The following SHLD2 variants were observed in gnomAD, a reference collection of about 807,000 sequenced individuals.
SHLD2 encodes shieldin complex subunit 2, also known as RINN1-REV7-interacting novel NHEJ regulator 2.
SHLD2 carries 30 observed loss-of-function variants against 73.2 expected under a neutral mutation model. That is an observed-to-expected ratio of 0.41 (90% CI 0.31 to 0.56). The LOEUF (loss-of-function observed/expected upper bound fraction) is 0.56. Among genes scored for constraint, SHLD2 ranks in the 20% least tolerant of loss-of-function variants. The pLI, the probability that SHLD2 is intolerant of heterozygous loss-of-function variation, is 0.28. For missense variants in SHLD2, 745 were observed against 1,055.9 expected, an observed-to-expected ratio of 0.71 and a Z score of 4.08; for synonymous variants, 285 against 370.1, an observed-to-expected ratio of 0.77 and a Z score of 2.64.
At position 87,121,790 on chromosome 10, in the gene SHLD2, AGTCTCGTCCTGATG is replaced by A. The variant is rs1439339248; in HGVS notation, c.-6+24803_-6+24816del. On this transcript the variant is annotated intron_variant, in intron 2 of 9. Transcript: ENST00000298786. Reference sequence around the variant, plus strand: ...TTTTTTTTTTTTTTTTAATTGAGATAGTCTCGTCCTGATGGCCAGACTGGAGTACAGTGGTGTGA... The same window carrying A: ...TTTTTTTTTTTTTTTTAATTGAGATAGCCAGACTGGAGTACAGTGGTGTGA... 7.8e-3 allele frequency among the ~76,000 whole-genome samples: 1,095 copies of A among 140,978 alleles called. 15 individuals carry two copies. The highest frequency in any genetic ancestry group is 0.028 in the African/African-American group (1,055 of 37,602). The allele number at this position is 140,978 out of a possible 152,430, so 92.5% of individuals were successfully genotyped here. A position where few individuals can be genotyped will look rare whatever the true frequency, so the allele number is the denominator to read the frequency against.
At position 87,174,677 on chromosome 10, in the gene SHLD2, A is replaced by G. The variant is rs187162713; in HGVS notation, c.1964-1212A>G. Among the ~76,000 whole-genome samples, 839 of 152,272 alleles carry G rather than the reference A, an allele frequency of 5.5e-3. 8 individuals carry two copies. The highest frequency in any genetic ancestry group is 0.019 in the African/African-American group (805 of 41,566). Reference sequence around the variant, plus strand: ...AACTAAAAAGACAGCTGATGTTATCAGAAAAATTAGTGCTAAGAAACCCTC... The same window carrying G: ...AACTAAAAAGACAGCTGATGTTATCGGAAAAATTAGTGCTAAGAAACCCTC... On this transcript the variant is annotated intron_variant, in intron 6 of 9. Coordinates refer to ENST00000298786, the MANE Select transcript of SHLD2 (RefSeq NM_001330112.2).
rs757565723 is a variant in SHLD2, at chr10:87,152,737, C to G, written c.1383C>G (p.Phe461Leu). The G allele has an allele frequency of 5.6e-6, 9 of 1,611,806 alleles. No individual in the cohort carries two copies. Among genetic ancestry groups the G allele is most frequent in the Non-Finnish European group, 7.6e-6 (9 of 1,179,832 alleles). ...PCHVKEINIK[F>L]GPNSGSKVPL... is the part of the protein sequence containing the mutation. ...ATGTGAAGGAAATAAACATAAAATTCGGACCAAATTCTGGCTCTAAAGTGC... is the reference window on the plus strand; with the variant it reads ...ATGTGAAGGAAATAAACATAAAATTGGGACCAAATTCTGGCTCTAAAGTGC... The change falls in exon 3 of 10, where the codon TTC (phenylalanine) becomes TTG (leucine). Residue 461 changes from phenylalanine (F) to leucine (L), a missense_variant. By Grantham distance (22) the Phe-to-Leu change is conservative. Coordinates refer to ENST00000298786, the MANE Select transcript of SHLD2 (RefSeq NM_001330112.2).
intron 2 of SHLD2, among the ~76,000 whole-genome samples, chr10:87,122,098 A>G (rs1843667831): frequency 6.7e-6 from 1 of 149,768 alleles, no homozygotes; most frequent in African/African-American, 2.5e-5. Context: ...TTGAGGTAAC[A>G]GAAATTGATG....
chr10:87,112,418 A>G (rs1365372483), intron 2 of SHLD2, among the ~76,000 whole-genome samples: 1 of 152,126 alleles, frequency 6.6e-6, no homozygotes, highest in Non-Finnish European at 1.5e-5. Flanking sequence ...TAATCCCAGC[A>G]CTTTGAGAGA....
chr10:87,150,773 A>G (rs1457271054), intron 2 of SHLD2, among the ~76,000 whole-genome samples: 1 of 151,852 alleles, frequency 6.6e-6, no homozygotes, highest in Non-Finnish European at 1.5e-5. Flanking sequence ...TGAAACAAAC[A>G]TACTAAAAAC....
intron 4 of SHLD2, among the ~76,000 whole-genome samples, chr10:87,163,961 C>CTTTTCTTTTCT (rs750116873): frequency 7.6e-5 from 9 of 117,906 alleles, no homozygotes; most frequent in African/African-American, 3.2e-5. Flanking sequence ...CTTTTCTTTT[C>CTTTTCTTTTCT]TTTTTTTTTT....
At chr10:87,138,115 T>A (rs1844924855) in intron 2 of SHLD2, among the ~76,000 whole-genome samples, 1 of 152,052 alleles carries the variant, frequency 6.6e-6, no homozygotes, top group Non-Finnish European at 1.5e-5. Flanking sequence ...CTGGCCAACA[T>A]GGTAAAACCG....
Position 87,170,594 on chromosome 10 carries a change from T to G in SHLD2, c.1750T>G (p.Phe584Val). 6.2e-7 allele frequency: 1 copy of G among 1,613,684 alleles called. No homozygotes were observed. The highest frequency in any genetic ancestry group is 1.7e-4 in the Middle Eastern group (1 of 6,054). ...GCCTCAGAGGGTGAACAGTATAGAC[T>G]TTGTAGAATTGGAGCACCTTCAACC... ...RQPQRVNSIDFVELEHLQPDV... is the reference protein window; with the variant it reads ...RQPQRVNSIDVVELEHLQPDV... The change falls in exon 5 of 10, where the codon TTT (phenylalanine) becomes GTT (valine). Residue 584 changes from phenylalanine to valine, a missense_variant. This residue lies in a region of SHLD2 where 418 missense variants were observed against 567.8 expected (regional missense o/e 0.74). Transcript: ENST00000298786.
chr10:87,100,685 T>G (rs911266512), intron 2 of SHLD2, among the ~76,000 whole-genome samples: 2 of 151,888 alleles, frequency 1.3e-5, no homozygotes, highest in African/African-American at 4.8e-5. Context: ...ATCATGTTAG[T>G]CAGGCTGATC....
chr10:87,095,425 C>G lies in SHLD2; in HGVS notation c.-62+177C>G, dbSNP rs1313291100. On this transcript the variant is annotated intron_variant, in intron 1 of 9. Coordinates refer to ENST00000298786, the MANE Select transcript of SHLD2 (RefSeq NM_001330112.2). ...GAGTCACGGGCGCCCCTCCTTTCCG[C>G]CCGCGCGCCCTCGGAACGGGCGGCC... 4.6e-5 allele frequency among the ~76,000 whole-genome samples: 7 copies of G among 152,180 alleles called. No individual in the cohort carries two copies. The East Asian group carries it at 1.2e-3, about 25-fold the overall frequency.
rs570871043 is a variant in SHLD2 at position 87,141,204 on chromosome 10, T to G, written c.-5-10146T>G. Among the ~76,000 whole-genome samples the G allele has an allele frequency of 5.6e-4, 85 of 152,248 alleles. 1 individual carries two copies. The highest frequency in any genetic ancestry group is 9.4e-4 in the Non-Finnish European group (64 of 68,022). ...GCTAAGGTGGGAGGATTGCTTGAGCTTGGGAGGTTGAGGCTGCAGTGAACT... is the reference window on the plus strand; with the variant it reads ...GCTAAGGTGGGAGGATTGCTTGAGCGTGGGAGGTTGAGGCTGCAGTGAACT... On this transcript the variant is annotated intron_variant, in intron 2 of 9. Coordinates refer to ENST00000298786, the MANE Select transcript of SHLD2 (RefSeq NM_001330112.2).
chr10:87,170,809 G>A, intron 5 of SHLD2, 31 bp from the exon 6 acceptor site: 1 of 1,612,526 alleles, frequency 6.2e-7, no homozygotes, highest in Non-Finnish European at 8.5e-7. Flanking sequence ...ATAGAGTAAT[G>A]CCAACTAAGG....
At chr10:87,137,984 A>G (rs1370072150) in intron 2 of SHLD2, among the ~76,000 whole-genome samples, 1 of 152,140 alleles carries the variant, frequency 6.6e-6, no homozygotes, top group Non-Finnish European at 1.5e-5. Flanking sequence ...CAGCCTGGGT[A>G]AAGTAGTGAG....
intron 2 of SHLD2, among the ~76,000 whole-genome samples, chr10:87,126,186 C>T (rs115816770): frequency 0.015 from 2,297 of 152,200 alleles, 60 homozygotes; most frequent in African/African-American, 0.052. Flanking sequence ...TCGTGTGGTC[C>T]TCCCAACCCA....
At chr10:87,139,527 T>C (rs1197690562) in intron 2 of SHLD2, among the ~76,000 whole-genome samples, 1 of 152,054 alleles carries the variant, frequency 6.6e-6, no homozygotes, top group African/African-American at 2.4e-5. Context: ...CAGCCAAATA[T>C]GTTAATACAA....
intron 2 of SHLD2, among the ~76,000 whole-genome samples, chr10:87,111,502 A>G: frequency 6.6e-6 from 1 of 151,858 alleles, no homozygotes; most frequent in Non-Finnish European, 1.5e-5. Flanking sequence ...TTAGCTGGGC[A>G]TGGTGGCACG....
At chr10:87,146,068 A>G (rs1322028876) in intron 2 of SHLD2, among the ~76,000 whole-genome samples, 2 of 152,134 alleles carry the variant, frequency 1.3e-5, no homozygotes, top group African/African-American at 2.4e-5. Context: ...CCTTTGGTAT[A>G]AACACTTTTT....
intron 6 of SHLD2, among the ~76,000 whole-genome samples, chr10:87,174,011 A>G (rs981485189): frequency 1.8e-4 from 27 of 152,352 alleles, no homozygotes; most frequent in African/African-American, 6.3e-4. Context: ...GCAAACTGGC[A>G]GAACCTTTCT....
chr10:87,188,262 T>C (rs1296414006), intron 9 of SHLD2, among the ~76,000 whole-genome samples: 1 of 152,172 alleles, frequency 6.6e-6, no homozygotes, highest in Non-Finnish European at 1.5e-5. Context: ...GGGTCTTGTG[T>C]GGTCCTGGCC....
Sources: gnomAD v4.1 joint callset for allele counts (sites outside exome capture counted in the v4.1 genomes callset) on GRCh38, gnomAD v4.1.1 for gene constraint, gnomAD v4.1.1 regional missense constraint, MANE v1.5 for transcripts, NCBI Gene and HGNC (gene_info 2026-07-23, HGNC 2026-07-21) for gene names.